CCSER1: variants seen among roughly 807,000 people sequenced by gnomAD.
CCSER1 encodes the protein serine-rich coiled-coil domain-containing protein 1.
In CCSER1, 41 loss-of-function variants were observed where a neutral mutation model predicts 82.0. The observed-to-expected ratio is 0.50, with a 90% CI of 0.39 to 0.65. The LOEUF (loss-of-function observed/expected upper bound fraction) is 0.65. Among genes scored for constraint, CCSER1 ranks in the 30% least tolerant of loss-of-function variants. The pLI is 0.00. For missense variants in CCSER1, 1,119 were observed against 1,064.2 expected (o/e 1.05, Z -0.72); for synonymous variants, 414 against 383.9 (o/e 1.08, Z -0.92).
intron 6 of CCSER1, among the ~76,000 whole-genome samples, chr4:90,643,815 T>A: frequency 6.6e-6 from 1 of 152,150 alleles, no homozygotes; most frequent in Non-Finnish European, 1.5e-5. Flanking sequence ...ATAAGGGGAT[T>A]AAAAAAATCA....
rs1016404382 is a variant in CCSER1 at position 90,156,177 on chromosome 4, G to A, written c.-42+28346G>A. Among the ~76,000 whole-genome samples the A allele has an allele frequency of 2.4e-4, 37 of 152,324 alleles. 1 individual carries two copies. Among genetic ancestry groups the A allele is most frequent in the African/African-American group, 8.4e-4 (35 of 41,566 alleles). On this transcript the variant is annotated intron_variant, in intron 1 of 10. Transcript: ENST00000509176. ...GGTTGTTCAGTTTCCATGTAATTGA[G>A]CAGTTTTGGGTGAGTTTCTTAATCC...
intron 7 of CCSER1, among the ~76,000 whole-genome samples, chr4:90,733,472 C>T (rs1251044448): frequency 2.0e-5 from 3 of 152,064 alleles, no homozygotes; most frequent in Admixed American, 6.6e-5. Context: ...CATTTTCTCC[C>T]GTTCTGTGAG....
chr4:90,268,909 G>A (rs1725740092), intron 1 of CCSER1, among the ~76,000 whole-genome samples: 1 of 151,980 alleles, frequency 6.6e-6, no homozygotes, highest in South Asian at 2.1e-4. Flanking sequence ...ACTTACATCA[G>A]ACAAAATAGA....
At chr4:90,743,974 A>G (rs1349994393) in intron 7 of CCSER1, among the ~76,000 whole-genome samples, 1 of 152,152 alleles carries the variant, frequency 6.6e-6, no homozygotes, top group Non-Finnish European at 1.5e-5. Flanking sequence ...TTCATTTCTC[A>G]CCATTTCTGC....
chr4:91,226,275 A>G (rs1419284197), intron 10 of CCSER1, among the ~76,000 whole-genome samples: 1 of 151,998 alleles, frequency 6.6e-6, no homozygotes, highest in Non-Finnish European at 1.5e-5. Context: ...TTGATAAAAC[A>G]TATGGAAAGG....
intron 10 of CCSER1, among the ~76,000 whole-genome samples, chr4:91,518,266 C>T (rs1760258018): frequency 6.6e-6 from 1 of 152,130 alleles, no homozygotes; most frequent in Non-Finnish European, 1.5e-5. Context: ...TGTGGAGCGG[C>T]AATCAATTAG....
chr4:90,271,826 T>TTATATACATATATATA (rs1726340723), intron 1 of CCSER1, among the ~76,000 whole-genome samples: 1 of 42,872 alleles, frequency 2.3e-5, no homozygotes, highest in Non-Finnish European at 4.2e-5. Flanking sequence ...ACTGGACAAT[T>TTATATACATATATATA]TATATATATA....
At chr4:90,846,311 G>A (rs1763230743) in intron 8 of CCSER1, among the ~76,000 whole-genome samples, 1 of 152,178 alleles carries the variant, frequency 6.6e-6, no homozygotes, top group African/African-American at 2.4e-5. Flanking sequence ...ACCATGGAAG[G>A]TGTGATAAGT....
chr4:90,732,948 T>C (rs541385709), intron 7 of CCSER1, among the ~76,000 whole-genome samples: 1 of 152,308 alleles, frequency 6.6e-6, no homozygotes, highest in Non-Finnish European at 1.5e-5. Flanking sequence ...TCACTTGGAT[T>C]ATTTGCAAAT....
chr4:90,932,986 A>AAAG (rs1730248177), intron 9 of CCSER1, among the ~76,000 whole-genome samples: 2 of 29,166 alleles, frequency 6.9e-5, no homozygotes, highest in Non-Finnish European at 6.7e-5. Context: ...AAGAAAGAGA[A>AAAG]AGAAAGAAAG....
intron 9 of CCSER1, among the ~76,000 whole-genome samples, chr4:90,950,887 A>G (rs998254269): frequency 1.3e-5 from 2 of 152,192 alleles, no homozygotes; most frequent in Middle Eastern, 3.4e-3. Context: ...TTACATTTCT[A>G]AGTTTCATAA....
intron 3 of CCSER1, among the ~76,000 whole-genome samples, chr4:90,328,431 C>A (rs1738621738): frequency 6.6e-6 from 1 of 151,966 alleles, no homozygotes; most frequent in Non-Finnish European, 1.5e-5. Flanking sequence ...TTCTTAATAT[C>A]CCCTTCTGTG....
rs576281233 is a variant in CCSER1 at position 91,225,405 on chromosome 4, TTATA to T, written c.2217+139417_2217+139420del. On this transcript the variant is annotated intron_variant, in intron 10 of 10. Coordinates refer to ENST00000509176, the MANE Select transcript of CCSER1 (RefSeq NM_001145065.2). Reference sequence around the variant, plus strand: ...GATATAATATATATATTCATATATATTATATATATGAAAATATACAGTATTTCTT... The same window carrying T: ...GATATAATATATATATTCATATATATTATATGAAAATATACAGTATTTCTT... 9.7e-4 allele frequency among the ~76,000 whole-genome samples: 139 copies of T among 143,134 alleles called. 1 individual carries two copies. Among genetic ancestry groups the T allele is most frequent in the African/African-American group, 3.4e-3 (133 of 39,086 alleles). 93.9% of individuals were successfully genotyped at this position (143,134 alleles called of 152,430 possible).
chr4:90,144,210 A>C (rs1373150558), intron 1 of CCSER1, among the ~76,000 whole-genome samples: 1 of 152,156 alleles, frequency 6.6e-6, no homozygotes, highest in Non-Finnish European at 1.5e-5. Flanking sequence ...ATGTGCTCCC[A>C]TACCTTGCCT....
intron 1 of CCSER1, among the ~76,000 whole-genome samples, chr4:90,224,179 G>A (rs1364288759): frequency 6.6e-6 from 1 of 152,142 alleles, no homozygotes; most frequent in Non-Finnish European, 1.5e-5. Flanking sequence ...ATCAATTTGA[G>A]TTCATTGTTA....
intron 10 of CCSER1, among the ~76,000 whole-genome samples, chr4:91,588,483 C>A (rs1764116700): frequency 1.3e-5 from 2 of 151,592 alleles, no homozygotes; most frequent in South Asian, 4.1e-4. Context: ...CTGACCATAA[C>A]TTTTTGTACT....
intron 10 of CCSER1, among the ~76,000 whole-genome samples, chr4:91,141,398 C>T (rs188773063): frequency 8.5e-5 from 13 of 152,216 alleles, no homozygotes; most frequent in Admixed American, 6.5e-4. Flanking sequence ...GTGATCTGCC[C>T]GCCTTGGCCT....
At chr4:90,977,341 C>T (rs914968278) in intron 9 of CCSER1, among the ~76,000 whole-genome samples, 6 of 151,424 alleles carry the variant, frequency 4.0e-5, no homozygotes, top group Admixed American at 3.3e-4. Flanking sequence ...CATTCTGATA[C>T]TTGAGGCTAA....
intron 1 of CCSER1, among the ~76,000 whole-genome samples, chr4:90,214,999 A>G (rs959542296): frequency 3.3e-5 from 5 of 152,214 alleles, no homozygotes; most frequent in African/African-American, 1.2e-4. Flanking sequence ...AAGGGAAGAA[A>G]GATGAGTATG....
Sources: allele counts gnomAD v4.1 joint callset (sites outside exome capture counted in the v4.1 genomes callset), GRCh38; gene constraint gnomAD v4.1.1; transcripts MANE v1.5; gene names NCBI Gene and HGNC (gene_info 2026-07-23, HGNC 2026-07-21).